Variants in TMEM39A observed in about 807,000 individuals in gnomAD.
TMEM39A encodes suppressor of SQST-1 aggregates in rpl-43 mutants.
In TMEM39A, 19 loss-of-function variants were observed where a neutral mutation model predicts 51.9. The ratio of observed to expected loss-of-function variants is 0.37; its 90% CI spans 0.26 to 0.54. TMEM39A has a LOEUF of 0.54. Ranked by LOEUF, TMEM39A falls within the 20% of genes least tolerant of loss-of-function variation. The pLI is 0.88. For synonymous variants in TMEM39A, 197 were observed against 220.2 expected (o/e 0.89, Z 0.93); for missense variants, 433 against 590.5 (o/e 0.73, Z 2.76).
intron 4 of TMEM39A, among the ~76,000 whole-genome samples, chr3:119,448,366 CA>C (rs2081155594): frequency 6.6e-6 from 1 of 151,820 alleles, no homozygotes; most frequent in African/African-American, 2.4e-5. Flanking sequence ...TGATGGAACC[CA>C]AAAAGGAGAA....
At chr3:119,453,092 T>C (rs1213149658) in intron 3 of TMEM39A, among the ~76,000 whole-genome samples, 1 of 152,228 alleles carries the variant, frequency 6.6e-6, no homozygotes, top group Non-Finnish European at 1.5e-5. Flanking sequence ...CTGTCTACAG[T>C]TCCTTCTAGT....
intron 2 of TMEM39A, among the ~76,000 whole-genome samples, chr3:119,459,246 T>C (rs2081305529): frequency 6.6e-6 from 1 of 152,202 alleles, no homozygotes; most frequent in African/African-American, 2.4e-5. Flanking sequence ...GCCTAAACTG[T>C]TTATACAAAC....
chr3:119,437,332 C>T (rs2080983269), intron 6 of TMEM39A, among the ~76,000 whole-genome samples: 1 of 152,068 alleles, frequency 6.6e-6, no homozygotes, highest in Non-Finnish European at 1.5e-5. Context: ...GACATCCAGA[C>T]CATTTTTCTT....
chr3:119,429,908 G>C lies in TMEM39A; in HGVS notation c.*2073C>G, dbSNP rs2080878088. 1.3e-5 allele frequency: 2 copies of C among 152,118 alleles called. No individual in the cohort carries two copies. Among genetic ancestry groups the C allele is most frequent in the Non-Finnish European group, 2.9e-5 (2 of 67,992 alleles). 9.4% of individuals were successfully genotyped at this position (152,118 alleles called of 1,614,324 possible). ...GGGCATCATATTAGTTCATAAGACTGGTCTGTTATCTCTAATCAGGGTTTT... is the reference window on the plus strand; with the variant it reads ...GGGCATCATATTAGTTCATAAGACTCGTCTGTTATCTCTAATCAGGGTTTT... On this transcript the variant is annotated 3_prime_UTR_variant, in exon 9 of 9. Coordinates refer to ENST00000319172, the MANE Select transcript of TMEM39A (RefSeq NM_018266.3).
At position 119,462,090 on chromosome 3, in the gene TMEM39A, T is replaced by G. The variant is rs1250695459; in HGVS notation, c.-16A>C. The G allele has an allele frequency of 6.2e-7, 1 of 1,607,500 alleles. No individual in the cohort carries two copies. Among genetic ancestry groups the G allele is most frequent in the Non-Finnish European group, 8.5e-7 (1 of 1,174,664 alleles). ...CACCGGGCATGTCCAGGAACCAGTC[T>G]GCTTCCAGTGCCACCTGTAGTTGCA... On this transcript the variant is annotated 5_prime_UTR_variant, in exon 2 of 9. Transcript: ENST00000319172.
At chr3:119,443,133 A>G (rs995950479) in intron 5 of TMEM39A, among the ~76,000 whole-genome samples, 4 of 151,836 alleles carry the variant, frequency 2.6e-5, no homozygotes, top group Non-Finnish European at 5.9e-5. Flanking sequence ...TCAAACTTAA[A>G]CGGATAAGGA....
At position 119,429,875 on chromosome 3, in the gene TMEM39A, G is replaced by A. The variant is rs2080877513; in HGVS notation, c.*2106C>T. On this transcript the variant is annotated 3_prime_UTR_variant, in exon 9 of 9. Coordinates refer to ENST00000319172, the MANE Select transcript of TMEM39A (RefSeq NM_018266.3). ...TTAGGATAGGACCAAGACAGATCAAGCCAGAAGGGGCATCATATTAGTTCA... is the reference window on the plus strand; with the variant it reads ...TTAGGATAGGACCAAGACAGATCAAACCAGAAGGGGCATCATATTAGTTCA... 1 of 152,084 alleles carries A rather than the reference G, an allele frequency of 6.6e-6. No homozygotes were observed. The highest frequency in any genetic ancestry group is 1.5e-5 in the Non-Finnish European group (1 of 67,996). The allele number at this position is 152,084 out of a possible 1,614,324, so 9.4% of individuals were successfully genotyped here.
At position 119,447,228 on chromosome 3, in the gene TMEM39A, A is replaced by G. The variant is rs913537411; in HGVS notation, c.421-56T>C. 3.2e-6 allele frequency: 5 copies of G among 1,564,390 alleles called. No individual in the cohort carries two copies. The Admixed American group carries it at 5.4e-5, about 17-fold the overall frequency. On this transcript the variant is annotated intron_variant, in intron 4 of 8. Transcript: ENST00000319172. ...TTTGTAAATGATCTTCTTCAAAAGC[A>G]TTGTAATTCAAGTAAGAACTTAATA...
intron 5 of TMEM39A, among the ~76,000 whole-genome samples, chr3:119,441,634 T>A (rs2107667945): frequency 6.6e-6 from 1 of 152,314 alleles, no homozygotes; most frequent in South Asian, 2.1e-4. Context: ...AAACAGCAAG[T>A]GTGAATCTAC....
chr3:119,447,619 T>G (rs2081145190), intron 4 of TMEM39A, among the ~76,000 whole-genome samples: 1 of 151,794 alleles, frequency 6.6e-6, no homozygotes. Context: ...ATTTATTTAT[T>G]TTTAATTTTT....
intron 5 of TMEM39A, among the ~76,000 whole-genome samples, chr3:119,442,543 C>T (rs757145691): frequency 6.6e-6 from 1 of 152,142 alleles, no homozygotes; most frequent in Non-Finnish European, 1.5e-5. Context: ...AGAGATTCCT[C>T]CAATGGATCT....
At chr3:119,443,237 A>G (rs2081079948) in intron 5 of TMEM39A, among the ~76,000 whole-genome samples, 1 of 152,286 alleles carries the variant, frequency 6.6e-6, no homozygotes, top group South Asian at 2.1e-4. Context: ...AAGAGTTTAG[A>G]ATATTATATA....
At chr3:119,437,587 C>A (rs1174115208) in intron 6 of TMEM39A, among the ~76,000 whole-genome samples, 168 bp downstream of exon 6, 1 of 151,160 alleles carries the variant, frequency 6.6e-6, no homozygotes, top group Non-Finnish European at 1.5e-5. Flanking sequence ...TATGGAAATA[C>A]CTATCCGCCA....
chr3:119,437,730 A>G, intron 6 of TMEM39A, 25 bp downstream of exon 6: 1 of 1,473,408 alleles, frequency 6.8e-7, no homozygotes, highest in Non-Finnish European at 9.2e-7. Flanking sequence ...TCCAGGAAGC[A>G]CATAAAAGTA....
intron 5 of TMEM39A, among the ~76,000 whole-genome samples, chr3:119,442,060 G>A (rs1422079214): frequency 2.0e-5 from 3 of 152,194 alleles, no homozygotes; most frequent in East Asian, 3.8e-4. Context: ...ATTATGTACG[G>A]CTGGGTGCGG....
Position 119,434,865 on chromosome 3 carries a change from A to G in TMEM39A, c.1130T>C (p.Ile377Thr), listed in dbSNP as rs767713481. 7.4e-6 allele frequency: 12 copies of G among 1,613,606 alleles called. No homozygotes were observed. The highest frequency in any genetic ancestry group is 1.7e-5 in the Admixed American group (1 of 59,992). The change falls in exon 8 of 9, where the codon ATA (isoleucine) becomes ACA (threonine). Residue 377 changes from isoleucine (I) to threonine (T), a missense_variant. Coordinates refer to ENST00000319172, the MANE Select transcript of TMEM39A (RefSeq NM_018266.3). ...APQHIWSENT[I>T]WPQGVLVRHS... Reference sequence around the variant, plus strand: ...CCGCACCAGCACCCCTTGAGGCCATATTGTATTTTCTGACCAACTAAGGGA... The same window carrying G: ...CCGCACCAGCACCCCTTGAGGCCATGTTGTATTTTCTGACCAACTAAGGGA...
chr3:119,436,273 G>T (rs16829843), intron 7 of TMEM39A, among the ~76,000 whole-genome samples: 2,552 of 152,102 alleles, frequency 0.017, 71 homozygotes, highest in African/African-American at 0.059. Flanking sequence ...GGAGAAGCAG[G>T]GAAATATTCA....
chr3:119,447,150 G>A lies in TMEM39A; in HGVS notation c.443C>T (p.Ser148Leu). ...TATCAGAACCATGTAGTGAATCATT[G>A]ATGCTGCACCTGCCTTAGTAGCCTG... The part of the protein sequence containing the change: ...ISEATKAGAA[S>L]MIHYMVLISA... The change falls in exon 5 of 9, where the codon TCA becomes TTA. Residue 148 changes from serine (S) to leucine (L), a missense_variant. Ser to Leu is a moderately radical substitution (Grantham distance 145). Coordinates refer to ENST00000319172, the MANE Select transcript of TMEM39A (RefSeq NM_018266.3). 1 of 1,613,214 alleles carries A rather than the reference G, an allele frequency of 6.2e-7. No homozygotes were observed. Among genetic ancestry groups the A allele is most frequent in the Non-Finnish European group, 8.5e-7 (1 of 1,179,754 alleles).
At chr3:119,459,019 A>G (rs145411688) in intron 2 of TMEM39A, among the ~76,000 whole-genome samples, 10 of 152,376 alleles carry the variant, frequency 6.6e-5, no homozygotes, top group African/African-American at 2.2e-4. Flanking sequence ...AAAGCTCATT[A>G]GAGACTTGAT....
Sources: allele counts gnomAD v4.1 joint callset (sites outside exome capture counted in the v4.1 genomes callset), GRCh38; gene constraint gnomAD v4.1.1; transcripts MANE v1.5; gene names NCBI Gene and HGNC (gene_info 2026-07-23, HGNC 2026-07-21).